Variants in CHCHD6 observed in about 807,000 individuals in gnomAD.
The protein encoded by CHCHD6 is coiled-coil-helix-coiled-coil-helix domain containing 6.
In CHCHD6, 28 loss-of-function variants were observed where a neutral mutation model predicts 32.3. The ratio of observed to expected loss-of-function variants is 0.87; its 90% CI spans 0.64 to 1.19. The LOEUF is 1.19. Ranked by LOEUF, CHCHD6 falls within the 50% of genes most tolerant of loss-of-function variation. The probability of loss-of-function intolerance (pLI) is 0.00; values close to 1 mark genes in which losing one functional copy is unlikely to be tolerated. For missense variants in CHCHD6, 333 were observed against 307.0 expected, an observed-to-expected ratio of 1.08 and a Z score of -0.63; for synonymous variants, 122 against 117.5, an observed-to-expected ratio of 1.04 and a Z score of -0.25.
intron 6 of CHCHD6, among the ~76,000 whole-genome samples, chr3:126,936,427 AAGTGCAAAATAC>A (rs1272343759): frequency 1.3e-5 from 2 of 152,242 alleles, no homozygotes; most frequent in Non-Finnish European, 2.9e-5. Flanking sequence ...GACATGCTGT[AAGTGCAAAATAC>A]ATATTGGATT....
chr3:126,817,620 C>T (rs1939961270), intron 4 of CHCHD6, among the ~76,000 whole-genome samples: 2 of 152,212 alleles, frequency 1.3e-5, no homozygotes, highest in African/African-American at 2.4e-5. Flanking sequence ...CTGCTTTCCA[C>T]CTGGACTGTT....
intron 5 of CHCHD6, among the ~76,000 whole-genome samples, chr3:126,872,288 C>T (rs567695818): frequency 2.1e-4 from 32 of 152,264 alleles, no homozygotes; most frequent in Non-Finnish European, 2.9e-5. Context: ...ATAGACCCAG[C>T]TTCTCGGGAG....
intron 4 of CHCHD6, among the ~76,000 whole-genome samples, chr3:126,818,151 A>G (rs1299136979): frequency 6.6e-6 from 1 of 152,138 alleles, no homozygotes; most frequent in Non-Finnish European, 1.5e-5. Context: ...TGGTCTTCCT[A>G]ACTAGACAGA....
intron 5 of CHCHD6, among the ~76,000 whole-genome samples, chr3:126,889,347 G>A (rs772125693): frequency 5.9e-5 from 9 of 152,166 alleles, no homozygotes; most frequent in Admixed American, 2.6e-4. Context: ...GCAGACCAGC[G>A]TCCTGTGCTT....
At chr3:126,737,390 G>GTGTGTATA (rs755051777) in intron 4 of CHCHD6, among the ~76,000 whole-genome samples, 1 of 132,618 alleles carries the variant, frequency 7.5e-6, no homozygotes, top group African/African-American at 2.7e-5. Flanking sequence ...TGATGTGTGA[G>GTGTGTATA]TATATATATA....
At chr3:126,802,678 T>C (rs977756534) in intron 4 of CHCHD6, among the ~76,000 whole-genome samples, 5 of 151,854 alleles carry the variant, frequency 3.3e-5, no homozygotes, top group African/African-American at 7.3e-5. Flanking sequence ...AATCTAGCCA[T>C]GCAGGCCAAC....
At position 126,946,888 on chromosome 3, in the gene CHCHD6, C is replaced by A. The variant is rs113977583; in HGVS notation, c.567-10528C>A. Among the ~76,000 whole-genome samples the A allele has an allele frequency of 3.6e-3, 555 of 152,302 alleles. 3 individuals are homozygous for A. The highest frequency in any genetic ancestry group is 0.013 in the African/African-American group (532 of 41,552). ...TCTCTGAAATTAAGTATCAGGAGGA[C>A]ATATAATAGCCCAGTTCCACACCAG... is the stretch of plus-strand genomic sequence containing the variant. On this transcript the variant is annotated intron_variant, in intron 6 of 7. Transcript: ENST00000290913.
At chr3:126,905,745 GAAGGAGTCAGGTGACAAGC>G (rs957377009) in intron 5 of CHCHD6, among the ~76,000 whole-genome samples, 26 of 152,176 alleles carry the variant, frequency 1.7e-4, no homozygotes, top group Non-Finnish European at 2.4e-4. Flanking sequence ...AACAGAAAGG[GAAGGAGTCAGGTGACAAGC>G]AAGGAGACAG....
intron 4 of CHCHD6, among the ~76,000 whole-genome samples, chr3:126,801,504 A>G (rs977711402): frequency 1.2e-4 from 19 of 152,204 alleles, no homozygotes; most frequent in African/African-American, 2.9e-4. Flanking sequence ...CAGCGAAGCT[A>G]GGGGAGGGGC....
chr3:126,825,528 G>C (rs1242893417), intron 4 of CHCHD6, among the ~76,000 whole-genome samples: 1 of 152,030 alleles, frequency 6.6e-6, no homozygotes, highest in African/African-American at 2.4e-5. Flanking sequence ...TTGTGGGTTT[G>C]TCCATCCGTT....
At chr3:126,872,763 C>T (rs905132846) in intron 5 of CHCHD6, among the ~76,000 whole-genome samples, 1 of 152,190 alleles carries the variant, frequency 6.6e-6, no homozygotes, top group African/African-American at 2.4e-5. Context: ...CTTTTAGAAC[C>T]AAGGGGCAAA....
intron 4 of CHCHD6, among the ~76,000 whole-genome samples, chr3:126,811,128 C>A (rs1238600346): frequency 6.6e-6 from 1 of 152,086 alleles, no homozygotes; most frequent in Non-Finnish European, 1.5e-5. Context: ...GATTTTTGTT[C>A]CTAATTTTAG....
At chr3:126,706,035 T>C (rs1239917246) in intron 1 of CHCHD6, among the ~76,000 whole-genome samples, 1 of 152,086 alleles carries the variant, frequency 6.6e-6, no homozygotes, top group Non-Finnish European at 1.5e-5. Flanking sequence ...GGAGATGGCT[T>C]GTGTTGGAAG....
chr3:126,818,821 G>A (rs1164610637), intron 4 of CHCHD6, among the ~76,000 whole-genome samples: 2 of 152,260 alleles, frequency 1.3e-5, no homozygotes, highest in East Asian at 1.9e-4. Flanking sequence ...AGGCCTCATG[G>A]CATTGGCAGT....
intron 4 of CHCHD6, among the ~76,000 whole-genome samples, chr3:126,823,974 C>T (rs1940268610): frequency 6.6e-6 from 1 of 152,124 alleles, no homozygotes; most frequent in Non-Finnish European, 1.5e-5. Context: ...ACTCAGGGTG[C>T]TGAAGCAGGA....
chr3:126,788,037 G>C (rs183349921), intron 4 of CHCHD6, among the ~76,000 whole-genome samples: 3 of 152,074 alleles, frequency 2.0e-5, no homozygotes, highest in African/African-American at 7.2e-5. Context: ...TAGCATGAAG[G>C]CTGTTGAATT....
At chr3:126,785,926 C>T (rs945816272) in intron 4 of CHCHD6, among the ~76,000 whole-genome samples, 6 of 152,168 alleles carry the variant, frequency 3.9e-5, no homozygotes, top group African/African-American at 1.2e-4. Context: ...GTGCTGCACC[C>T]ATAAACTTGT....
intron 5 of CHCHD6, among the ~76,000 whole-genome samples, chr3:126,876,910 G>A (rs1481342454): frequency 2.0e-5 from 3 of 152,200 alleles, no homozygotes; most frequent in Admixed American, 6.5e-5. Context: ...TCAGCAGGGT[G>A]AAGAGTGTCA....
At chr3:126,854,255 G>A (rs758133305) in intron 5 of CHCHD6, among the ~76,000 whole-genome samples, 1 of 152,120 alleles carries the variant, frequency 6.6e-6, no homozygotes, top group African/African-American at 2.4e-5. Flanking sequence ...AAAAATCGAG[G>A]TTTCCTAGAT....
Sources: gnomAD v4.1 joint callset for allele counts (sites outside exome capture counted in the v4.1 genomes callset) on GRCh38, gnomAD v4.1.1 for gene constraint, MANE v1.5 for transcripts, NCBI Gene and HGNC (gene_info 2026-07-23, HGNC 2026-07-21) for gene names.